Variants in ATG10 observed in about 807,000 individuals in gnomAD.
The protein encoded by ATG10 is ubiquitin-like-conjugating enzyme ATG10.
ATG10 carries 30 observed loss-of-function variants against 32.1 expected under a neutral mutation model. The ratio of observed to expected loss-of-function variants is 0.94; its 90% CI spans 0.70 to 1.27. The LOEUF (loss-of-function observed/expected upper bound fraction) is 1.27, where lower values mean the gene tolerates loss of function less well. Ranked by LOEUF, ATG10 falls within the 50% of genes most tolerant of loss-of-function variation. ATG10 has a pLI of 0.00. For missense variants in ATG10, 233 were observed against 262.3 expected (o/e 0.89, Z 0.77); for synonymous variants, 87 against 91.5 (o/e 0.95, Z 0.28).
intron 2 of ATG10, among the ~76,000 whole-genome samples, chr5:82,025,847 A>T (rs1339653440): frequency 6.6e-6 from 1 of 152,190 alleles, no homozygotes; most frequent in East Asian, 1.9e-4. Context: ...GAATCATCCC[A>T]GTACATTTGA....
At chr5:82,168,274 T>C (rs550326459) in intron 4 of ATG10, among the ~76,000 whole-genome samples, 59 of 152,362 alleles carry the variant, frequency 3.9e-4, no homozygotes, top group African/African-American at 1.3e-3. Flanking sequence ...ACATACATAA[T>C]GGCCTTTTGC....
intron 7 of ATG10, among the ~76,000 whole-genome samples, 180 bp downstream of exon 7, chr5:82,253,609 C>T (rs976459549): frequency 6.6e-6 from 1 of 152,274 alleles, no homozygotes; most frequent in South Asian, 2.1e-4. Context: ...TCCCCAAATC[C>T]CAGGCCATGG....
intron 3 of ATG10, among the ~76,000 whole-genome samples, chr5:82,136,043 C>T (rs1010954876): frequency 6.6e-6 from 1 of 152,002 alleles, no homozygotes; most frequent in African/African-American, 2.4e-5. Flanking sequence ...ATTGCAACCC[C>T]TGATTTTTTG....
chr5:82,109,621 T>C, intron 3 of ATG10, among the ~76,000 whole-genome samples: 1 of 151,854 alleles, frequency 6.6e-6, no homozygotes, highest in African/African-American at 2.4e-5. Flanking sequence ...ATGATATATG[T>C]TCACTATAAA....
intron 1 of ATG10, among the ~76,000 whole-genome samples, chr5:81,983,514 AC>A (rs1238413041): frequency 7.2e-4 from 51 of 71,170 alleles, no homozygotes; most frequent in East Asian, 6.5e-3. Context: ...CGGGGGGCTG[AC>A]CCCCCCCACC....
chr5:82,135,117 T>C (rs1766671265), intron 3 of ATG10, among the ~76,000 whole-genome samples: 1 of 152,120 alleles, frequency 6.6e-6, no homozygotes, highest in African/African-American at 2.4e-5. Flanking sequence ...TTCTCTGTTT[T>C]CTTCTTTATT....
rs71605823 is a variant in ATG10 at position 82,118,387 on chromosome 5, CATAT to C, written c.217-45997_217-45994del. On this transcript the variant is annotated intron_variant, in intron 3 of 7. Transcript: ENST00000282185. ...TACAAATATACATATAATATATGTACATATATATATATATATATGTATGTATATA... is the reference window on the plus strand; with the variant it reads ...TACAAATATACATATAATATATGTACATATATATATATATGTATGTATATA... Among the ~76,000 whole-genome samples, 33 of 80,724 alleles carry C rather than the reference CATAT, an allele frequency of 4.1e-4. 1 individual carries two copies. Among genetic ancestry groups the C allele is most frequent in the Non-Finnish European group, 6.9e-4 (28 of 40,764 alleles). The allele number at this position is 80,724 out of a possible 152,430, so 53.0% of individuals were successfully genotyped here. A position where few individuals can be genotyped will look rare whatever the true frequency, so the allele number is the denominator to read the frequency against.
intron 2 of ATG10, among the ~76,000 whole-genome samples, chr5:82,017,785 C>T (rs564850091): frequency 2.6e-4 from 39 of 152,262 alleles, no homozygotes; most frequent in African/African-American, 9.1e-4. Context: ...CTTCTAGCAT[C>T]ACTTGACAGG....
chr5:82,083,799 C>T (rs948503153), intron 3 of ATG10, among the ~76,000 whole-genome samples: 1 of 152,094 alleles, frequency 6.6e-6, no homozygotes, highest in South Asian at 2.1e-4. Flanking sequence ...ACAGAAAGGA[C>T]ATCCACACCA....
At chr5:82,061,506 G>A (rs1243264478) in intron 3 of ATG10, among the ~76,000 whole-genome samples, 4 of 151,698 alleles carry the variant, frequency 2.6e-5, no homozygotes, top group African/African-American at 9.7e-5. Flanking sequence ...AAACCCCATG[G>A]AGGTAAGATG....
At chr5:82,071,348 A>G (rs1764126954) in intron 3 of ATG10, among the ~76,000 whole-genome samples, 1 of 152,130 alleles carries the variant, frequency 6.6e-6, no homozygotes, top group Non-Finnish European at 1.5e-5. Flanking sequence ...GAATCTGGCA[A>G]CAAGAAACTT....
At chr5:82,072,254 C>T (rs985448002) in intron 3 of ATG10, among the ~76,000 whole-genome samples, 1 of 152,084 alleles carries the variant, frequency 6.6e-6, no homozygotes. Context: ...ATTCTTTGTG[C>T]TAGTCTCTTG....
Position 82,122,948 on chromosome 5 carries a change from G to A in ATG10, c.217-41451G>A, listed in dbSNP as rs115305625. Among the ~76,000 whole-genome samples the A allele has an allele frequency of 9.5e-3, 1,441 of 152,248 alleles. 6 individuals are homozygous for A. Among genetic ancestry groups the A allele is most frequent in the Non-Finnish European group, 0.015 (988 of 68,014 alleles). Reference sequence around the variant, plus strand: ...GTTCAACCATTGTGAAAAGTAATGTGGTAACTCCTTAAATAGCTAAAAACA... The same window carrying A: ...GTTCAACCATTGTGAAAAGTAATGTAGTAACTCCTTAAATAGCTAAAAACA... On this transcript the variant is annotated intron_variant, in intron 3 of 7. Transcript: ENST00000282185.
chr5:82,200,802 T>C (rs1172037537), intron 5 of ATG10, among the ~76,000 whole-genome samples: 1 of 151,442 alleles, frequency 6.6e-6, no homozygotes, highest in Non-Finnish European at 1.5e-5. Flanking sequence ...TTTATTCTTT[T>C]AACAGTTTTT....
chr5:82,072,121 T>G (rs554595147), intron 3 of ATG10, among the ~76,000 whole-genome samples: 1 of 152,286 alleles, frequency 6.6e-6, no homozygotes, highest in South Asian at 2.1e-4. Context: ...GGATGGTATT[T>G]GACTGTGTCA....
chr5:82,197,716 TTCTTTCTATCTA>T lies in ATG10; in HGVS notation c.453+19133_453+19144del, dbSNP rs1470448305. On this transcript the variant is annotated intron_variant, in intron 5 of 7. Transcript: ENST00000282185. ...CTGTCCCATTATTTTCTTTCTTTCTTTCTTTCTATCTATCTATCTATCTATCTATCTATCTAT... is the reference window on the plus strand; with the variant it reads ...CTGTCCCATTATTTTCTTTCTTTCTTTCTATCTATCTATCTATCTATCTAT... 2.9e-3 allele frequency among the ~76,000 whole-genome samples: 417 copies of T among 142,164 alleles called. 1 individual carries two copies. Among genetic ancestry groups the T allele is most frequent in the African/African-American group, 9.7e-3 (375 of 38,480 alleles). 93.3% of individuals were successfully genotyped at this position (142,164 alleles called of 152,430 possible).
chr5:82,184,490 A>G (rs1485884275), intron 5 of ATG10, among the ~76,000 whole-genome samples: 1 of 151,916 alleles, frequency 6.6e-6, no homozygotes, highest in Non-Finnish European at 1.5e-5. Context: ...CCTAACCGAT[A>G]ATATCTACCC....
intron 3 of ATG10, among the ~76,000 whole-genome samples, chr5:82,156,460 G>A (rs1319220044): frequency 6.6e-6 from 1 of 152,116 alleles, no homozygotes; most frequent in African/African-American, 2.4e-5. Context: ...GATGGTCTTT[G>A]CAGGCTAGAA....
At chr5:81,999,432 A>C (rs978688097) in intron 2 of ATG10, among the ~76,000 whole-genome samples, 1 of 152,144 alleles carries the variant, frequency 6.6e-6, no homozygotes, top group Non-Finnish European at 1.5e-5. Flanking sequence ...AAAAAGTTAG[A>C]AAGATCTCAA....
Sources: allele counts gnomAD v4.1 joint callset (sites outside exome capture counted in the v4.1 genomes callset), GRCh38; gene constraint gnomAD v4.1.1; transcripts MANE v1.5; gene names NCBI Gene and HGNC (gene_info 2026-07-23, HGNC 2026-07-21).